Variants in COBL observed in about 807,000 individuals in gnomAD.
COBL encodes the protein protein cordon-bleu.
In COBL, 51 loss-of-function variants were observed where a neutral mutation model predicts 98.8. The observed-to-expected ratio is 0.52, with a 90% CI of 0.41 to 0.65. The LOEUF (loss-of-function observed/expected upper bound fraction) is 0.65. Among genes scored for constraint, COBL ranks in the 30% least tolerant of loss-of-function variants. The pLI is 0.00. For missense variants in COBL, 1,617 were observed against 1,617.5 expected (o/e 1.00, Z 0.01); for synonymous variants, 634 against 651.7 (o/e 0.97, Z 0.41).
intron 5 of COBL, among the ~76,000 whole-genome samples, chr7:51,159,244 G>A (rs1396510270): frequency 3.3e-5 from 5 of 152,198 alleles, no homozygotes; most frequent in Non-Finnish European, 7.4e-5. Flanking sequence ...CTGGGAAGTG[G>A]AGCCGCCAGG....
At chr7:51,289,121 A>G (rs1314301184) in intron 1 of COBL, among the ~76,000 whole-genome samples, 1 of 152,210 alleles carries the variant, frequency 6.6e-6, no homozygotes, top group African/African-American at 2.4e-5. Flanking sequence ...GGGTCCAGTG[A>G]GGAATGGACA....
rs1786288370 is a variant in COBL, at chr7:51,016,379, A to G, written c.*1172T>C. 6.6e-6 allele frequency: 1 copy of G among 152,258 alleles called. No homozygotes were observed. Among genetic ancestry groups the G allele is most frequent in the African/African-American group, 2.4e-5 (1 of 41,460 alleles). The allele number at this position is 152,258 out of a possible 1,614,324, so 9.4% of individuals were successfully genotyped here. ...AGATCTGAGATCGCTGTGAAACATT[A>G]AAGTGACCTCACCATACTTGTTTTC... On this transcript the variant is annotated 3_prime_UTR_variant, in exon 13 of 13. Coordinates refer to ENST00000265136, the MANE Select transcript of COBL (RefSeq NM_015198.5).
intron 1 of COBL, among the ~76,000 whole-genome samples, chr7:51,271,666 C>A (rs940410346): frequency 1.3e-5 from 2 of 152,160 alleles, no homozygotes; most frequent in African/African-American, 4.8e-5. Context: ...AGGGAAAAAA[C>A]TCATCAGTTT....
At chr7:51,154,781 T>G (rs1562971828) in intron 5 of COBL, among the ~76,000 whole-genome samples, 1 of 152,166 alleles carries the variant, frequency 6.6e-6, no homozygotes, top group East Asian at 1.9e-4. Context: ...AAATTGAGAG[T>G]TCTGGGCAAC....
intron 12 of COBL, among the ~76,000 whole-genome samples, chr7:51,020,257 G>A (rs1322950026): frequency 2.0e-5 from 3 of 152,276 alleles, no homozygotes; most frequent in East Asian, 1.9e-4. Flanking sequence ...GGAAGGTGTC[G>A]GGGTAGATGC....
intron 6 of COBL, among the ~76,000 whole-genome samples, chr7:51,116,006 T>C (rs1348702106): frequency 1.3e-5 from 2 of 152,124 alleles, no homozygotes; most frequent in African/African-American, 4.8e-5. Context: ...CTATTTTACC[T>C]GCTACCCATC....
At chr7:51,188,916 A>G (rs1361402029) in intron 4 of COBL, among the ~76,000 whole-genome samples, 1 of 152,226 alleles carries the variant, frequency 6.6e-6, no homozygotes, top group African/African-American at 2.4e-5. Context: ...GGTAGCATGT[A>G]ACAGAAACAC....
chr7:51,091,376 A>C (rs1436562815), intron 6 of COBL, among the ~76,000 whole-genome samples: 3 of 152,220 alleles, frequency 2.0e-5, no homozygotes, highest in African/African-American at 7.2e-5. Context: ...AAATAAAATA[A>C]CCGAACTAAA....
At chr7:51,051,068 G>A (rs1790187566) in intron 7 of COBL, among the ~76,000 whole-genome samples, 1 of 152,042 alleles carries the variant, frequency 6.6e-6, no homozygotes, top group Non-Finnish European at 1.5e-5. Context: ...TCTAACTTAG[G>A]AGGGTATACT....
At chr7:51,197,253 GATTTTCCCCTTCC>G (rs1455615105) in intron 2 of COBL, among the ~76,000 whole-genome samples, 1 of 152,016 alleles carries the variant, frequency 6.6e-6, no homozygotes, top group Non-Finnish European at 1.5e-5. Flanking sequence ...AGAACTTCTT[GATTTTCCCCTTCC>G]TTTCATTATT....
intron 7 of COBL, among the ~76,000 whole-genome samples, chr7:51,047,724 C>A (rs1230507472): frequency 6.6e-6 from 1 of 152,176 alleles, no homozygotes. Flanking sequence ...GTGGGTCCCA[C>A]GGCCACTCAC....
intron 1 of COBL, among the ~76,000 whole-genome samples, chr7:51,234,443 G>A (rs368787958): frequency 1.4e-4 from 22 of 152,372 alleles, no homozygotes; most frequent in East Asian, 7.7e-4. Context: ...ACTCACGCCT[G>A]TAATCCCAGC....
At chr7:51,138,455 G>C (rs902013945) in intron 5 of COBL, among the ~76,000 whole-genome samples, 1 of 152,154 alleles carries the variant, frequency 6.6e-6, no homozygotes, top group South Asian at 2.1e-4. Context: ...AAGGGATTTT[G>C]CTATTCACAG....
At chr7:51,154,091 A>C (rs1335447863) in intron 5 of COBL, among the ~76,000 whole-genome samples, 1 of 152,184 alleles carries the variant, frequency 6.6e-6, no homozygotes, top group East Asian at 1.9e-4. Flanking sequence ...GTACCCTGAG[A>C]GTCACCAACA....
At chr7:51,161,795 C>A (rs1203959242) in intron 5 of COBL, among the ~76,000 whole-genome samples, 1 of 152,094 alleles carries the variant, frequency 6.6e-6, no homozygotes, top group Non-Finnish European at 1.5e-5. Context: ...AGAAGCAGGG[C>A]CCATAAAAGG....
At chr7:51,122,278 C>T (rs538846190) in intron 6 of COBL, among the ~76,000 whole-genome samples, 39 of 152,150 alleles carry the variant, frequency 2.6e-4, no homozygotes, top group Non-Finnish European at 4.4e-4. Flanking sequence ...CGTTAGCTGC[C>T]CGGCTATTTC....
chr7:51,077,444 T>C (rs1276842781), intron 7 of COBL, among the ~76,000 whole-genome samples: 1 of 152,198 alleles, frequency 6.6e-6, no homozygotes. Flanking sequence ...CAGGAAGACA[T>C]GGACAGCCTG....
intron 1 of COBL, chr7:51,259,553 C>G: frequency 1.4e-6 from 1 of 712,448 alleles, no homozygotes; most frequent in Non-Finnish European, 2.5e-6. Flanking sequence ...GGAAAGGGCG[C>G]AAAAACCATG....
At chr7:51,264,672 C>CAAAA (rs5884201) in intron 1 of COBL, among the ~76,000 whole-genome samples, 8 of 48,344 alleles carry the variant, frequency 1.7e-4, no homozygotes, top group East Asian at 9.3e-4. Context: ...CTCCATCTCC[C>CAAAA]AAAAAAAAAA....
Sources: gnomAD v4.1 joint callset for allele counts (sites outside exome capture counted in the v4.1 genomes callset) on GRCh38, gnomAD v4.1.1 for gene constraint, MANE v1.5 for transcripts, NCBI Gene and HGNC (gene_info 2026-07-23, HGNC 2026-07-21) for gene names.